Variants in FAM178B observed in about 807,000 individuals in gnomAD.
The protein encoded by FAM178B is protein FAM178B.
A neutral mutation model predicts 91.7 loss-of-function variants in FAM178B; 82 were observed. The observed-to-expected ratio is 0.89, with a 90% CI of 0.75 to 1.07. The LOEUF is 1.07. Among genes scored for constraint, FAM178B ranks in the 50% least tolerant of loss-of-function variants. The pLI is 0.00. For missense variants in FAM178B, 769 were observed against 846.7 expected, an observed-to-expected ratio of 0.91 and a Z score of 1.14; for synonymous variants, 368 against 359.4, an observed-to-expected ratio of 1.02 and a Z score of -0.27.
At chr2:96,964,623 A>C (rs1221588803) in intron 5 of FAM178B, among the ~76,000 whole-genome samples, 1 of 77,040 alleles carries the variant, frequency 1.3e-5, no homozygotes, top group Non-Finnish European at 2.8e-5. Context: ...TGGCCTACAG[A>C]CGTGCTGTTA....
At chr2:96,902,393 C>T (rs916939507) in intron 13 of FAM178B, among the ~76,000 whole-genome samples, 10 of 152,250 alleles carry the variant, frequency 6.6e-5, no homozygotes, top group Admixed American at 4.6e-4. Context: ...CGTGAGCCAC[C>T]GTGCCCAGCA....
chr2:96,926,720 C>A (rs890873621), intron 9 of FAM178B, among the ~76,000 whole-genome samples: 1 of 152,214 alleles, frequency 6.6e-6, no homozygotes, highest in African/African-American at 2.4e-5. Flanking sequence ...GGAAGGACTG[C>A]ATCTTTCTGA....
chr2:96,885,890 T>C (rs1018323268), intron 14 of FAM178B, among the ~76,000 whole-genome samples: 4 of 152,172 alleles, frequency 2.6e-5, no homozygotes, highest in African/African-American at 9.7e-5. Context: ...TATACATCAG[T>C]GCATATGTGT....
chr2:96,972,619 G>A lies in FAM178B; in HGVS notation c.74-13C>T, dbSNP rs758665735. 1.2e-5 allele frequency: 18 copies of A among 1,550,256 alleles called. No homozygotes were observed. The highest frequency in any genetic ancestry group is 5.9e-5 in the South Asian group (5 of 84,054). The stretch of plus-strand genomic sequence containing the variant: ...TGGGACATCTGTCCTGGAAGGAAGC[G>A]CCTGTGAGGGCAGGTGAACCTCCAG... On this transcript the variant is annotated splice_polypyrimidine_tract_variant and intron_variant, in intron 1 of 16. Transcript: ENST00000490605.
At chr2:96,958,560 C>G (rs2082033828) in intron 6 of FAM178B, among the ~76,000 whole-genome samples, 2 of 151,652 alleles carry the variant, frequency 1.3e-5, no homozygotes, top group Admixed American at 1.3e-4. Flanking sequence ...AGCGGTGGCA[C>G]ACACCTGTAA....
chr2:96,950,299 C>T (rs916375177), intron 7 of FAM178B, among the ~76,000 whole-genome samples: 1 of 152,228 alleles, frequency 6.6e-6, no homozygotes, highest in Non-Finnish European at 1.5e-5. Flanking sequence ...CCATTACTCA[C>T]CCACTGCTCC....
intron 1 of FAM178B, among the ~76,000 whole-genome samples, chr2:96,973,865 T>C (rs1024900434): frequency 6.6e-6 from 1 of 151,652 alleles, no homozygotes; most frequent in Non-Finnish European, 1.5e-5. Flanking sequence ...TAGCCAGGCA[T>C]GGTGGCACAC....
intron 13 of FAM178B, among the ~76,000 whole-genome samples, chr2:96,894,526 C>CGA (rs2080767084): frequency 1.7e-5 from 2 of 119,350 alleles, no homozygotes; most frequent in African/African-American, 6.6e-5. Context: ...ACAGACCCCC[C>CGA]CACACATACC....
At chr2:96,915,168 G>A (rs2081221626) in intron 12 of FAM178B, among the ~76,000 whole-genome samples, 1 of 151,124 alleles carries the variant, frequency 6.6e-6, no homozygotes. Flanking sequence ...GGAGTGCAAT[G>A]GCACAATCTC....
chr2:96,893,781 G>A, intron 14 of FAM178B, 145 bp downstream of exon 14: 3 of 1,008,084 alleles, frequency 3.0e-6, no homozygotes, highest in South Asian at 1.7e-5. Flanking sequence ...AACACAGGGA[G>A]GCAGCCTGTT....
intron 14 of FAM178B, among the ~76,000 whole-genome samples, chr2:96,880,480 GCTCT>G (rs2080352042): frequency 6.6e-6 from 1 of 152,212 alleles, no homozygotes; most frequent in Non-Finnish European, 1.5e-5. Flanking sequence ...AGGAAAATGA[GCTCT>G]CTCTGGGAGA....
chr2:96,882,170 A>G (rs2080400726), intron 14 of FAM178B, among the ~76,000 whole-genome samples: 1 of 152,200 alleles, frequency 6.6e-6, no homozygotes, highest in African/African-American at 2.4e-5. Context: ...TGTCCAGACA[A>G]CAAGCAAGGT....
chr2:96,878,862 C>T (rs993219764), intron 14 of FAM178B, among the ~76,000 whole-genome samples: 3 of 152,264 alleles, frequency 2.0e-5, no homozygotes, highest in African/African-American at 7.2e-5. Flanking sequence ...ACTCTGATCT[C>T]TGCAGTCTCT....
chr2:96,974,986 G>A (rs1046186741), intron 1 of FAM178B, among the ~76,000 whole-genome samples: 17 of 150,552 alleles, frequency 1.1e-4, no homozygotes, highest in African/African-American at 4.1e-4. Flanking sequence ...AGCTACTCGG[G>A]AGACTGAGGC....
At position 96,921,496 on chromosome 2, in the gene FAM178B, G is replaced by T. The variant is rs1255454036; in HGVS notation, c.1446C>A (p.Ile482=). The T allele has an allele frequency of 6.4e-7, 1 of 1,551,672 alleles. No individual in the cohort carries two copies. The highest frequency in any genetic ancestry group is 8.7e-7 in the Non-Finnish European group (1 of 1,146,978). Residue 482 remains isoleucine (I), a synonymous_variant, in exon 11 of 17, where the codon ATC becomes ATA. Coordinates refer to ENST00000490605, the MANE Select transcript of FAM178B (RefSeq NM_001122646.3). ...CTAGTACCTTCCCTGGCCACTCCCG[G>T]ATGTTCTCCAGGAGCAAGAGGAGAA... The part of the protein sequence containing the change: ...QQLLLLLLEN[I]REWPGKLQEL...
chr2:96,884,440 G>A (rs967609057), intron 14 of FAM178B, among the ~76,000 whole-genome samples: 1 of 152,220 alleles, frequency 6.6e-6, no homozygotes, highest in Non-Finnish European at 1.5e-5. Context: ...CAGGGTGGAG[G>A]AGGAAAGCCC....
chr2:96,892,531 C>T (rs191568432), intron 14 of FAM178B, among the ~76,000 whole-genome samples: 82 of 152,276 alleles, frequency 5.4e-4, no homozygotes, highest in Non-Finnish European at 1.0e-3. Context: ...GAGAATAGTC[C>T]TCTAAAGAAA....
intron 12 of FAM178B, among the ~76,000 whole-genome samples, chr2:96,919,016 G>C (rs1286090111): frequency 6.6e-6 from 1 of 152,196 alleles, no homozygotes; most frequent in African/African-American, 2.4e-5. Context: ...AAAAGCGACA[G>C]GAATTGCTGA....
At chr2:96,982,437 A>G (rs368647452) in intron 1 of FAM178B, among the ~76,000 whole-genome samples, 2 of 151,200 alleles carry the variant, frequency 1.3e-5, no homozygotes, top group South Asian at 4.2e-4. Context: ...TAATTTTTGT[A>G]TTTTTTGTAG....
Sources: gnomAD v4.1 joint callset for allele counts (sites outside exome capture counted in the v4.1 genomes callset) on GRCh38, gnomAD v4.1.1 for gene constraint, MANE v1.5 for transcripts, NCBI Gene and HGNC (gene_info 2026-07-23, HGNC 2026-07-21) for gene names.